Variants in ANO10 observed in about 807,000 individuals in gnomAD.
ANO10 encodes anoctamin-10.
Under a neutral mutation model 74.7 loss-of-function variants are expected in ANO10, and 77 were observed. The ratio of observed to expected loss-of-function variants is 1.03; its 90% CI spans 0.86 to 1.25. ANO10 has a LOEUF of 1.25. Among genes scored for constraint, ANO10 ranks in the 50% most tolerant of loss-of-function variants. The pLI, the probability that ANO10 is intolerant of heterozygous loss-of-function variation, is 0.00. For synonymous variants in ANO10, 279 were observed against 284.9 expected (o/e 0.98, Z 0.21); for missense variants, 721 against 778.1 (o/e 0.93, Z 0.87).
intron 11 of ANO10, among the ~76,000 whole-genome samples, chr3:43,501,431 A>G (rs560772643): frequency 1.5e-3 from 230 of 152,356 alleles, no homozygotes; most frequent in African/African-American, 4.9e-3. Flanking sequence ...ACAAACATCC[A>G]AACTATAGCA....
chr3:43,446,338 T>G (rs964504873), intron 11 of ANO10, among the ~76,000 whole-genome samples: 2 of 152,134 alleles, frequency 1.3e-5, no homozygotes, highest in Non-Finnish European at 2.9e-5. Context: ...GTGGGAAAAA[T>G]GTACAGAGGC....
At chr3:43,571,398 C>T (rs893628810) in intron 7 of ANO10, among the ~76,000 whole-genome samples, 17 of 150,258 alleles carry the variant, frequency 1.1e-4, no homozygotes, top group Admixed American at 2.0e-4. Context: ...ATGTTTATTG[C>T]GGCATTATTC....
intron 11 of ANO10, among the ~76,000 whole-genome samples, chr3:43,471,325 C>T (rs145438468): frequency 1.3e-5 from 2 of 152,176 alleles, no homozygotes; most frequent in African/African-American, 4.8e-5. Context: ...CATAAAATAT[C>T]TCTTATTTAG....
chr3:43,617,482 C>T (rs1359202610), intron 1 of ANO10, among the ~76,000 whole-genome samples: 1 of 152,042 alleles, frequency 6.6e-6, no homozygotes, highest in Non-Finnish European at 1.5e-5. Context: ...TGTCGAATTG[C>T]ACACAGGGTC....
intron 12 of ANO10, among the ~76,000 whole-genome samples, chr3:43,385,158 T>G (rs578247747): frequency 1.7e-4 from 26 of 152,056 alleles, no homozygotes; most frequent in Non-Finnish European, 2.6e-4. Context: ...ACAACAAGCA[T>G]ATGAAAAAAT....
chr3:43,680,587 C>G (rs1056825238), intron 1 of ANO10, among the ~76,000 whole-genome samples: 1 of 152,130 alleles, frequency 6.6e-6, no homozygotes, highest in South Asian at 2.1e-4. Flanking sequence ...GAGACCACCA[C>G]AAAGATACTC....
intron 11 of ANO10, among the ~76,000 whole-genome samples, chr3:43,511,216 ATTT>A (rs2077496024): frequency 6.6e-6 from 1 of 152,180 alleles, no homozygotes; most frequent in Non-Finnish European, 1.5e-5. Context: ...TTCCAACCTA[ATTT>A]ATTTATACAT....
chr3:43,481,839 T>C (rs2076279533), intron 11 of ANO10, among the ~76,000 whole-genome samples: 1 of 151,964 alleles, frequency 6.6e-6, no homozygotes, highest in Admixed American at 6.6e-5. Context: ...AAAATGACAG[T>C]CCACAGTGCC....
chr3:43,506,120 G>C (rs2077284838), intron 11 of ANO10, among the ~76,000 whole-genome samples: 1 of 152,074 alleles, frequency 6.6e-6, no homozygotes, highest in Admixed American at 6.6e-5. Context: ...TTAAAATAAA[G>C]ATATAATGCT....
At chr3:43,637,048 C>T (rs903844057) in intron 1 of ANO10, among the ~76,000 whole-genome samples, 13 of 152,168 alleles carry the variant, frequency 8.5e-5, no homozygotes, top group Non-Finnish European at 2.9e-5. Context: ...TGCATGCCTG[C>T]AGTCCCCGCT....
At chr3:43,662,769 C>T (rs1329457981) in intron 1 of ANO10, among the ~76,000 whole-genome samples, 8 of 151,938 alleles carry the variant, frequency 5.3e-5, no homozygotes, top group East Asian at 1.9e-4. Flanking sequence ...GACACCTCTG[C>T]GCAAATAAAC....
chr3:43,646,146 C>T (rs560674362), intron 1 of ANO10, among the ~76,000 whole-genome samples: 23 of 152,124 alleles, frequency 1.5e-4, no homozygotes, highest in Non-Finnish European at 2.5e-4. Context: ...TAGTGGAAAA[C>T]GTCTGTGGGA....
At chr3:43,554,626 C>T (rs2079647595) in intron 10 of ANO10, among the ~76,000 whole-genome samples, 1 of 152,180 alleles carries the variant, frequency 6.6e-6, no homozygotes, top group South Asian at 2.1e-4. Flanking sequence ...CGCCTTATTA[C>T]TACCAGGTAG....
At chr3:43,580,242 C>T (rs1207583147) in intron 5 of ANO10, 111 bp downstream of exon 5, 2 of 1,433,112 alleles carry the variant, frequency 1.4e-6, no homozygotes, top group Non-Finnish European at 1.9e-6. Context: ...CTGGTGATCC[C>T]TGCCCAGTAG....
chr3:43,662,946 T>C (rs1173657779), intron 1 of ANO10, among the ~76,000 whole-genome samples: 1 of 152,180 alleles, frequency 6.6e-6, no homozygotes. Context: ...GATTCACAGC[T>C]GAATTCTACC....
In ANO10 at chr3:43,472,213, AGATTAGT is replaced by A. The variant is rs1419106857; in HGVS notation, c.1798-39493_1798-39487del. ...GGCAAAACTCGTAGGGAGAGAGAAC[AGATTAGT>A]GGTTAAGGGTAGGGAGAGAGTTTGA... On this transcript the variant is annotated intron_variant, in intron 11 of 12. Coordinates refer to ENST00000292246, the MANE Select transcript of ANO10 (RefSeq NM_018075.5). Among the ~76,000 whole-genome samples, 22 of 152,296 alleles carry A rather than the reference AGATTAGT, an allele frequency of 1.4e-4. 1 individual carries two copies. In the East Asian group the frequency reaches 4.2e-3, roughly 29 times the overall value.
chr3:43,555,489 T>C lies in ANO10; in HGVS notation c.1477-20A>G. The C allele has an allele frequency of 1.2e-6, 2 of 1,609,284 alleles. No homozygotes were observed. Among genetic ancestry groups the C allele is most frequent in the South Asian group, 2.2e-5 (2 of 90,934 alleles). The stretch of plus-strand genomic sequence containing the variant: ...GGTGCCCTGAAAATATAAACAAGCA[T>C]GCATTATTTTAATATCATACAATAG... On this transcript the variant is annotated intron_variant, in intron 9 of 12. Coordinates refer to ENST00000292246, the MANE Select transcript of ANO10 (RefSeq NM_018075.5).
chr3:43,429,372 C>A (rs550550862), intron 12 of ANO10, among the ~76,000 whole-genome samples: 2 of 151,918 alleles, frequency 1.3e-5, no homozygotes, highest in Non-Finnish European at 2.9e-5. Context: ...AAAGCAAATT[C>A]ATGGAATTTT....
chr3:43,535,267 CTTTTTTTTTT>C (rs71616100), intron 11 of ANO10, among the ~76,000 whole-genome samples: 1 of 107,896 alleles, frequency 9.3e-6, no homozygotes, highest in Non-Finnish European at 1.8e-5. Context: ...CCTAGACATT[CTTTTTTTTTT>C]TTTTTTTTTT....
Sources: gnomAD v4.1 joint callset for allele counts (sites outside exome capture counted in the v4.1 genomes callset) on GRCh38, gnomAD v4.1.1 for gene constraint, MANE v1.5 for transcripts, NCBI Gene and HGNC (gene_info 2026-07-23, HGNC 2026-07-21) for gene names.